SLCO1B1: variants seen among roughly 807,000 people sequenced by gnomAD.
The protein encoded by SLCO1B1 is OATP-2.
Under a neutral mutation model 70.1 loss-of-function variants are expected in SLCO1B1, and 81 were observed. That is an observed-to-expected ratio of 1.16 (90% CI 0.97 to 1.39). The LOEUF is 1.39. Among genes scored for constraint, SLCO1B1 ranks in the 40% most tolerant of loss-of-function variants. SLCO1B1 has a pLI of 0.00. For missense variants in SLCO1B1, 895 were observed against 799.6 expected (o/e 1.12, Z -1.44); for synonymous variants, 283 against 271.5 (o/e 1.04, Z -0.42).
intron 1 of SLCO1B1, among the ~76,000 whole-genome samples, chr12:21,138,232 A>G (rs1940255805): frequency 6.6e-6 from 1 of 152,134 alleles, no homozygotes; most frequent in Non-Finnish European, 1.5e-5. Context: ...ATAACCTATT[A>G]AGTATTAAAA....
chr12:21,234,878 A>G (rs898933968), intron 14 of SLCO1B1, among the ~76,000 whole-genome samples: 2 of 152,138 alleles, frequency 1.3e-5, no homozygotes, highest in South Asian at 4.1e-4. Context: ...ACTGATTTCT[A>G]TTTTTATTCT....
chr12:21,161,774 G>A (rs543351892), intron 2 of SLCO1B1, among the ~76,000 whole-genome samples: 32 of 152,178 alleles, frequency 2.1e-4, no homozygotes, highest in Non-Finnish European at 3.5e-4. Context: ...TTGGGATGCC[G>A]AGGTGGGCGA....
At chr12:21,217,506 C>T (rs142348155) in intron 12 of SLCO1B1, among the ~76,000 whole-genome samples, 25 of 152,156 alleles carry the variant, frequency 1.6e-4, no homozygotes, top group African/African-American at 5.8e-4. Flanking sequence ...CATTAAAAGT[C>T]CAGATTCCAT....
intron 11 of SLCO1B1, among the ~76,000 whole-genome samples, chr12:21,206,678 C>G (rs56388154): frequency 0.012 from 1,755 of 151,928 alleles, 43 homozygotes; most frequent in South Asian, 0.039. Context: ...CCTGCAAAAC[C>G]TTTCTTTCCA....
At chr12:21,180,045 T>C (rs1290673122) in intron 7 of SLCO1B1, among the ~76,000 whole-genome samples, 1 of 152,152 alleles carries the variant, frequency 6.6e-6, no homozygotes, top group Non-Finnish European at 1.5e-5. Flanking sequence ...TTACTATAGA[T>C]TTGTAAATGG....
At chr12:21,181,217 A>T (rs746123278) in intron 7 of SLCO1B1, among the ~76,000 whole-genome samples, 1 of 152,108 alleles carries the variant, frequency 6.6e-6, no homozygotes, top group Non-Finnish European at 1.5e-5. Context: ...AAACACCAAA[A>T]TTTTTGTGTA....
intron 2 of SLCO1B1, among the ~76,000 whole-genome samples, chr12:21,146,422 T>C (rs906546356): frequency 6.6e-6 from 1 of 152,146 alleles, no homozygotes; most frequent in African/African-American, 2.4e-5. Context: ...TCTATTGATT[T>C]CCTGTTTATG....
At chr12:21,160,831 C>T (rs754730274) in intron 2 of SLCO1B1, among the ~76,000 whole-genome samples, 35 of 151,780 alleles carry the variant, frequency 2.3e-4, no homozygotes, top group Non-Finnish European at 4.1e-4. Context: ...CAAACGGCCT[C>T]ATTAAAATGT....
chr12:21,239,345 C>T lies in SLCO1B1; in HGVS notation c.*156C>T. 1.5e-6 allele frequency: 1 copy of T among 664,658 alleles called. No homozygotes were observed. The highest frequency in any genetic ancestry group is 1.7e-5 in the South Asian group (1 of 59,352). 41.2% of individuals were successfully genotyped at this position (664,658 alleles called of 1,614,324 possible). On this transcript the variant is annotated 3_prime_UTR_variant, in exon 15 of 15. Coordinates refer to ENST00000256958, the MANE Select transcript of SLCO1B1 (RefSeq NM_006446.5). ...ATAAGCCTATGAACTTATAATAAAA[C>T]AAACTGTAGGTAGAAAAAATGAGAG... is the stretch of plus-strand genomic sequence containing the variant.
chr12:21,142,082 C>T (rs202166020), intron 2 of SLCO1B1, among the ~76,000 whole-genome samples: 2 of 133,454 alleles, frequency 1.5e-5, no homozygotes, highest in Non-Finnish European at 3.3e-5. Context: ...AAAAAAAAAA[C>T]AAAAAACAGG....
At chr12:21,151,979 T>G (rs1168426123) in intron 2 of SLCO1B1, among the ~76,000 whole-genome samples, 2 of 152,130 alleles carry the variant, frequency 1.3e-5, no homozygotes, top group Non-Finnish European at 2.9e-5. Flanking sequence ...AAATATTTCT[T>G]TAGTCTCTAT....
At chr12:21,152,920 G>A (rs1206609151) in intron 2 of SLCO1B1, among the ~76,000 whole-genome samples, 3 of 152,268 alleles carry the variant, frequency 2.0e-5, no homozygotes, top group South Asian at 2.1e-4. Context: ...TCAAAATGTG[G>A]AGGTCACCGA....
At chr12:21,217,022 T>G in intron 11 of SLCO1B1, 97 bp from the exon 12 acceptor site, 1 of 893,200 alleles carries the variant, frequency 1.1e-6, no homozygotes, top group South Asian at 1.4e-5. Context: ...TATATTAGTT[T>G]GAACAAGTGA....
chr12:21,197,079 A>G lies in SLCO1B1; in HGVS notation c.861A>G (p.Gln287=). 1 of 1,613,804 alleles carries G rather than the reference A, an allele frequency of 6.2e-7. No individual in the cohort carries two copies. Among genetic ancestry groups the G allele is most frequent in the Non-Finnish European group, 8.5e-7 (1 of 1,179,770 alleles). Reference sequence around the variant, plus strand: ...TGCCCCAAACTCCAAATAAACCACAAAAAGAAAGAAAAGCTTCACTGTCTT... The same window carrying G: ...TGCCCCAAACTCCAAATAAACCACAGAAAGAAAGAAAAGCTTCACTGTCTT... ...FFLPQTPNKP[Q]KERKASLSLH... Residue 287 remains glutamine (Q), a synonymous_variant, in exon 8 of 15, where the codon CAA becomes CAG. Coordinates refer to ENST00000256958, the MANE Select transcript of SLCO1B1 (RefSeq NM_006446.5).
chr12:21,178,502 T>C, intron 5 of SLCO1B1, 74 bp from the exon 6 acceptor site: 1 of 1,066,212 alleles, frequency 9.4e-7, no homozygotes, highest in Non-Finnish European at 1.4e-6. Flanking sequence ...TAATTAAGAG[T>C]TTACAAGTAG....
At chr12:21,167,936 C>T (rs754494241) in intron 2 of SLCO1B1, among the ~76,000 whole-genome samples, 7 of 151,422 alleles carry the variant, frequency 4.6e-5, no homozygotes, top group Non-Finnish European at 8.8e-5. Context: ...CCTGCCTCAG[C>T]CTCCCAAGTA....
chr12:21,175,254 G>A (rs552794686), intron 4 of SLCO1B1, among the ~76,000 whole-genome samples: 16 of 152,134 alleles, frequency 1.1e-4, no homozygotes, highest in African/African-American at 3.9e-4. Flanking sequence ...GCATGGTCTT[G>A]GCTTCATGAT....
intron 2 of SLCO1B1, among the ~76,000 whole-genome samples, chr12:21,171,747 T>A (rs1404422642): frequency 6.6e-6 from 1 of 152,136 alleles, no homozygotes; most frequent in Non-Finnish European, 1.5e-5. Context: ...AATTCTGATA[T>A]CAGGGTTCTG....
intron 2 of SLCO1B1, among the ~76,000 whole-genome samples, chr12:21,169,719 G>A (rs1940734229): frequency 6.7e-6 from 1 of 149,048 alleles, no homozygotes; most frequent in South Asian, 2.1e-4. Context: ...ATCTTCATTT[G>A]TTTTTGGTCA....
Sources: gnomAD v4.1 joint callset for allele counts (sites outside exome capture counted in the v4.1 genomes callset) on GRCh38, gnomAD v4.1.1 for gene constraint, MANE v1.5 for transcripts, NCBI Gene and HGNC (gene_info 2026-07-23, HGNC 2026-07-21) for gene names.